Variants in SLC17A6 observed in about 807,000 individuals in gnomAD.
SLC17A6 encodes the protein solute carrier family 17 member 6, also known as vesicular glutamate transporter 2.
Under a neutral mutation model 67.1 loss-of-function variants are expected in SLC17A6, and 35 were observed. The observed-to-expected ratio is 0.52, with a 90% CI of 0.40 to 0.69. The LOEUF is 0.69. Ranked by LOEUF, SLC17A6 falls within the 30% of genes least tolerant of loss-of-function variation. SLC17A6 has a pLI of 0.00. For missense variants in SLC17A6, 588 were observed against 723.9 expected (o/e 0.81, Z 2.15); for synonymous variants, 285 against 252.3 (o/e 1.13, Z -1.23).
intron 3 of SLC17A6, among the ~76,000 whole-genome samples, chr11:22,357,417 C>A (rs1442069024): frequency 2.0e-5 from 3 of 152,156 alleles, no homozygotes; most frequent in Non-Finnish European, 4.4e-5. Flanking sequence ...TTGCAGGGAA[C>A]ATTTGACAAT....
rs201764437 is a variant in SLC17A6, at chr11:22,374,761, A to C, written c.1048A>C (p.Met350Leu). ...VFGFEISKVG[M>L]LSAVPHLVMT... ...CCTTCTTGTTTTTCATCAGGTTGGT[A>C]TGCTATCTGCTGTGCCACACTTAGT... Residue 350 changes from methionine to leucine, a missense_variant, in exon 9 of 12, where the codon ATG (methionine) becomes CTG (leucine). Met to Leu is a conservative substitution (Grantham distance 15). Coordinates refer to ENST00000263160, the MANE Select transcript of SLC17A6 (RefSeq NM_020346.3). 1.0e-5 allele frequency: 16 copies of C among 1,604,622 alleles called. No individual in the cohort carries two copies. The African/African-American group carries it at 2.1e-4, about 22-fold the overall frequency.
At chr11:22,350,562 A>T (rs1422703070) in intron 3 of SLC17A6, among the ~76,000 whole-genome samples, 2 of 152,332 alleles carry the variant, frequency 1.3e-5, no homozygotes, top group Non-Finnish European at 2.9e-5. Flanking sequence ...CGACTGTAAT[A>T]CTGTCCTTTG....
At chr11:22,356,795 C>T (rs1455167040) in intron 3 of SLC17A6, among the ~76,000 whole-genome samples, 1 of 152,190 alleles carries the variant, frequency 6.6e-6, no homozygotes, top group East Asian at 1.9e-4. Context: ...AAGATAGTGC[C>T]ACTGCACTCC....
chr11:22,366,657 A>G (rs535224953), intron 7 of SLC17A6, among the ~76,000 whole-genome samples: 2 of 152,292 alleles, frequency 1.3e-5, no homozygotes, highest in East Asian at 3.9e-4. Context: ...ACACTGATAC[A>G]TTGTACATAG....
chr11:22,349,082 GGTCT>G (rs1436759504), intron 3 of SLC17A6, among the ~76,000 whole-genome samples: 22 of 151,994 alleles, frequency 1.4e-4, no homozygotes, highest in Middle Eastern at 3.4e-3. Flanking sequence ...ACACGCTATT[GGTCT>G]GTCTATGTAA....
At chr11:22,359,135 T>A (rs1415335668) in intron 3 of SLC17A6, among the ~76,000 whole-genome samples, 1 of 152,176 alleles carries the variant, frequency 6.6e-6, no homozygotes, top group Non-Finnish European at 1.5e-5. Flanking sequence ...ATATTTATAA[T>A]TTGTAATTAA....
At position 22,369,932 on chromosome 11, in the gene SLC17A6, A is replaced by G. The variant is rs11825548; in HGVS notation, c.892-107A>G. On this transcript the variant is annotated intron_variant, in intron 7 of 11. Coordinates refer to ENST00000263160, the MANE Select transcript of SLC17A6 (RefSeq NM_020346.3). ...GCTTCACTACATCTTCCTACTTCCT[A>G]CTTATGACCTGTCATATACATCCTG... 1,715 of 1,004,246 alleles carry G rather than the reference A, an allele frequency of 1.7e-3. 28 individuals carry two copies. In the African/African-American group the frequency reaches 0.026, roughly 15 times the overall value. The allele number at this position is 1,004,246 out of a possible 1,614,324, so 62.2% of individuals were successfully genotyped here.
chr11:22,365,700 T>G lies in SLC17A6; in HGVS notation c.891+11T>G, dbSNP rs1254296431. ...TTAGGTGCAATGGAAGTAAGAAATT[T>G]ATTATGGTGTATATTCCTATCTTAT... On this transcript the variant is annotated intron_variant, in intron 7 of 11. Transcript: ENST00000263160. The G allele has an allele frequency of 2.5e-6, 4 of 1,612,032 alleles. No individual in the cohort carries two copies. Among genetic ancestry groups the G allele is most frequent in the Non-Finnish European group, 3.4e-6 (4 of 1,179,000 alleles).
intron 3 of SLC17A6, among the ~76,000 whole-genome samples, chr11:22,344,677 A>G (rs1379851475): frequency 6.6e-6 from 1 of 152,216 alleles, no homozygotes; most frequent in East Asian, 1.9e-4. Context: ...TTTATTGTGT[A>G]TATGTACCAC....
intron 9 of SLC17A6, among the ~76,000 whole-genome samples, chr11:22,375,735 C>T (rs928036041): frequency 6.6e-6 from 1 of 152,110 alleles, no homozygotes; most frequent in Admixed American, 6.5e-5. Flanking sequence ...CCGCCTCGGC[C>T]TCTCAAAGTT....
chr11:22,359,776 C>T (rs1665338645), intron 4 of SLC17A6, among the ~76,000 whole-genome samples: 1 of 148,538 alleles, frequency 6.7e-6, no homozygotes, highest in African/African-American at 2.4e-5. Flanking sequence ...ATTTTAATGC[C>T]TATTTGACTT....
intron 4 of SLC17A6, among the ~76,000 whole-genome samples, chr11:22,360,312 A>G (rs1443445882): frequency 6.6e-6 from 1 of 151,974 alleles, no homozygotes; most frequent in African/African-American, 2.4e-5. Flanking sequence ...AACGACACAC[A>G]CTGCAGCCTA....
Position 22,338,758 on chromosome 11 carries a change from T to G in SLC17A6, c.86+139T>G, listed in dbSNP as rs967467156. The G allele has an allele frequency of 3.1e-6, 2 of 649,772 alleles. 1 individual carries two copies. The highest frequency in any genetic ancestry group is 3.8e-5 in the South Asian group (2 of 52,632). The allele number at this position is 649,772 out of a possible 1,614,324, so 40.3% of individuals were successfully genotyped here. ...TGTTGCCCATTGCTTGGAGCGGGGG[T>G]GCTCTGGAAACCTGCTTATTAATGC... On this transcript the variant is annotated intron_variant, in intron 1 of 11. Coordinates refer to ENST00000263160, the MANE Select transcript of SLC17A6 (RefSeq NM_020346.3).
rs528348599 is a variant in SLC17A6, at chr11:22,338,709, T to A, written c.86+90T>A. ...GTAAACCCTGGTGGCTCAGAAAGATTGTAATATGATCGGAAAGTCTTTTTG... is the reference window on the plus strand; with the variant it reads ...GTAAACCCTGGTGGCTCAGAAAGATAGTAATATGATCGGAAAGTCTTTTTG... On this transcript the variant is annotated intron_variant, in intron 1 of 11. Coordinates refer to ENST00000263160, the MANE Select transcript of SLC17A6 (RefSeq NM_020346.3). 1.4e-5 allele frequency: 13 copies of A among 937,574 alleles called. No homozygotes were observed. In the East Asian group the frequency reaches 3.2e-4, roughly 23 times the overall value. The allele number at this position is 937,574 out of a possible 1,614,324, so 58.1% of individuals were successfully genotyped here. A position where few individuals can be genotyped will look rare whatever the true frequency, so the allele number is the denominator to read the frequency against.
At chr11:22,366,081 T>A (rs1045501006) in intron 7 of SLC17A6, among the ~76,000 whole-genome samples, 1 of 152,066 alleles carries the variant, frequency 6.6e-6, no homozygotes, top group Admixed American at 6.6e-5. Context: ...TCCCCCCGCA[T>A]CCTGAACAGA....
chr11:22,376,909 C>T (rs1212232746), intron 11 of SLC17A6, among the ~76,000 whole-genome samples: 3 of 152,060 alleles, frequency 2.0e-5, no homozygotes, highest in Non-Finnish European at 4.4e-5. Context: ...AATTCTAATA[C>T]CCCTGATGTG....
rs2133858544 is a variant in SLC17A6 at position 22,343,236 on chromosome 11, C to T, written c.340-11C>T. 1.2e-6 allele frequency: 2 copies of T among 1,608,328 alleles called. No individual in the cohort carries two copies. Among genetic ancestry groups the T allele is most frequent in the South Asian group, 1.1e-5 (1 of 90,738 alleles). On this transcript the variant is annotated splice_polypyrimidine_tract_variant and intron_variant, in intron 2 of 11. Coordinates refer to ENST00000263160, the MANE Select transcript of SLC17A6 (RefSeq NM_020346.3). ...TCTTTCCCTTCACACTTTTTTCCTA[C>T]CCCTCCATAGAAAGCCAAATTCAAC...
intron 1 of SLC17A6, 123 bp downstream of exon 1, chr11:22,338,742 T>C (rs551570141): frequency 2.8e-6 from 2 of 708,544 alleles, no homozygotes; most frequent in East Asian, 2.8e-5. Flanking sequence ...TTGTTGCCCA[T>C]TGCTTGGAGC....
chr11:22,351,006 A>G (rs890453097), intron 3 of SLC17A6, among the ~76,000 whole-genome samples: 4 of 152,150 alleles, frequency 2.6e-5, no homozygotes, highest in Non-Finnish European at 5.9e-5. Flanking sequence ...TAAAAAATCA[A>G]AAAATAAATA....
Sources: allele counts gnomAD v4.1 joint callset (sites outside exome capture counted in the v4.1 genomes callset), GRCh38; gene constraint gnomAD v4.1.1; transcripts MANE v1.5; gene names NCBI Gene and HGNC (gene_info 2026-07-23, HGNC 2026-07-21).